Variants in CACNB4 observed in about 807,000 individuals in gnomAD.
The protein encoded by CACNB4 is calcium voltage-gated channel auxiliary subunit beta 4.
Under a neutral mutation model 71.2 loss-of-function variants are expected in CACNB4, and 32 were observed. The ratio of observed to expected loss-of-function variants is 0.45; its 90% CI spans 0.34 to 0.60. The LOEUF is 0.60. Ranked by LOEUF, CACNB4 falls within the 20% of genes least tolerant of loss-of-function variation. CACNB4 has a pLI of 0.01. For synonymous variants in CACNB4, 231 were observed against 236.9 expected, an observed-to-expected ratio of 0.97 and a Z score of 0.23; for missense variants, 464 against 647.9, an observed-to-expected ratio of 0.72 and a Z score of 3.08.
Position 151,916,346 on chromosome 2 carries a change from G to C in CACNB4, c.148-32976C>G, listed in dbSNP as rs142441275. 5.9e-4 allele frequency among the ~76,000 whole-genome samples: 89 copies of C among 151,970 alleles called. No homozygotes were observed. In the East Asian group the frequency reaches 0.017, roughly 29 times the overall value. The stretch of plus-strand genomic sequence containing the variant: ...ATAAAACCCCTCTCTTTGTTATAGA[G>C]AAAACAAATAAATACATGAGATATC... On this transcript the variant is annotated intron_variant, in intron 2 of 13. Transcript: ENST00000539935.
chr2:152,098,778 G>A lies in CACNB4; in HGVS notation c.63+171C>T, dbSNP rs945094884. On this transcript the variant is annotated intron_variant, in intron 1 of 13. Coordinates refer to ENST00000539935, the MANE Select transcript of CACNB4 (RefSeq NM_000726.5). This position sits in a 1 kb window ranked among gnomAD's most constrained non-coding sequence, Gnocchi z 5.3. ...AGGAGGAAGAGAAGGAGGAGAAAGAGGAGGAGCGGGAGGAGAAAGGGACGT... is the reference window on the plus strand; with the variant it reads ...AGGAGGAAGAGAAGGAGGAGAAAGAAGAGGAGCGGGAGGAGAAAGGGACGT... The A allele has an allele frequency of 2.8e-5, 35 of 1,244,092 alleles. No individual in the cohort carries two copies. The highest frequency in any genetic ancestry group is 3.8e-5 in the Non-Finnish European group (34 of 894,032). 77.1% of individuals were successfully genotyped at this position (1,244,092 alleles called of 1,614,324 possible).
chr2:152,094,642 G>T (rs755179735), intron 2 of CACNB4, among the ~76,000 whole-genome samples: 23 of 152,162 alleles, frequency 1.5e-4, no homozygotes, highest in Non-Finnish European at 2.8e-4. Flanking sequence ...CTTGTTACAT[G>T]TCACCGTACT....
chr2:151,972,846 C>T (rs2099872964), intron 2 of CACNB4: 1 of 152,304 alleles, frequency 6.6e-6, no homozygotes, highest in Admixed American at 6.5e-5. Flanking sequence ...TCCCATTAAC[C>T]ACCCCCAGCC....
intron 2 of CACNB4, among the ~76,000 whole-genome samples, chr2:152,079,993 C>CA (rs1249437993): frequency 6.6e-6 from 1 of 152,082 alleles, no homozygotes; most frequent in Non-Finnish European, 1.5e-5. Flanking sequence ...AACCATACAG[C>CA]AATAGCTCCT....
Position 151,841,934 on chromosome 2 carries a change from G to A in CACNB4, c.1271C>T (p.Ser424Leu), listed in dbSNP as rs2151319737. 2.5e-6 allele frequency: 4 copies of A among 1,613,888 alleles called. No homozygotes were observed. The highest frequency in any genetic ancestry group is 3.4e-6 in the Non-Finnish European group (4 of 1,179,880). ...CCCAGAAATTGCTGTGGGATATGGT[G>A]AGAGTGCCGTGGAGCCCAAATTCCT... ...LGRNLGSTAL[S>L]PYPTAISGLQ... Residue 424 changes from serine (S) to leucine (L), a missense_variant, in exon 13 of 14, where the codon TCA (serine) becomes TTA (leucine). Ser to Leu is a moderately radical substitution (Grantham distance 145). Around this residue, in one of 3 missense-constraint regions of CACNB4, gnomAD observed 115 missense variants for 128.8 expected, o/e 0.89. Coordinates refer to ENST00000539935, the MANE Select transcript of CACNB4 (RefSeq NM_000726.5).
intron 2 of CACNB4, among the ~76,000 whole-genome samples, chr2:151,938,830 G>T (rs562759845): frequency 6.6e-6 from 1 of 152,302 alleles, no homozygotes; most frequent in African/African-American, 2.4e-5. Flanking sequence ...TCAGATGTCT[G>T]ATTTTGTTGT....
chr2:151,837,484 A>C lies in CACNB4; in HGVS notation c.*1635T>G, dbSNP rs886054962. 1 of 152,064 alleles carries C rather than the reference A, an allele frequency of 6.6e-6. No homozygotes were observed. 9.4% of individuals were successfully genotyped at this position (152,064 alleles called of 1,614,324 possible). ...GAATACTGAAAGGCTTGGGGAGAAA[A>C]GAAGATACTATAAAATTAATTATCA... On this transcript the variant is annotated 3_prime_UTR_variant, in exon 14 of 14. Coordinates refer to ENST00000539935, the MANE Select transcript of CACNB4 (RefSeq NM_000726.5).
rs774919664 is a variant in CACNB4 at position 151,883,323 on chromosome 2, A to G, written c.195T>C (p.Ser65=). The change falls in exon 3 of 14, where the codon TCT becomes TCC. Residue 65 remains serine (S), a synonymous_variant. Transcript: ENST00000539935. The part of the protein sequence containing the change: ...YTSRPSDSDV[S]LEEDREAIRQ... The stretch of plus-strand genomic sequence containing the variant: ...GAATTGCTTCCCGGTCCTCTTCCAA[A>G]GAGACATCGGAGTCAGACGGCCTGC... 2.8e-5 allele frequency: 45 copies of G among 1,613,792 alleles called. 1 individual carries two copies. The highest frequency in any genetic ancestry group is 3.6e-5 in the Non-Finnish European group (42 of 1,179,804).
At chr2:151,893,665 A>G (rs2099851325) in intron 2 of CACNB4, among the ~76,000 whole-genome samples, 1 of 152,148 alleles carries the variant, frequency 6.6e-6, no homozygotes, top group African/African-American at 2.4e-5. Flanking sequence ...ACTAACAGAA[A>G]CTATGCTAAA....
chr2:152,002,336 T>C (rs1227220660), intron 2 of CACNB4, among the ~76,000 whole-genome samples: 2 of 152,214 alleles, frequency 1.3e-5, no homozygotes, highest in Admixed American at 6.5e-5. Context: ...AATATGATTT[T>C]TTTAGGAAGA....
chr2:151,960,069 G>C (rs1436585886), intron 2 of CACNB4, among the ~76,000 whole-genome samples: 1 of 152,208 alleles, frequency 6.6e-6, no homozygotes, highest in South Asian at 2.1e-4. Context: ...ATTTTAAGTA[G>C]ATTATTTTAA....
At chr2:152,065,896 C>A (rs1409804831) in intron 2 of CACNB4, among the ~76,000 whole-genome samples, 1 of 152,132 alleles carries the variant, frequency 6.6e-6, no homozygotes, top group African/African-American at 2.4e-5. Context: ...TGTTTGCTAC[C>A]ACATCTGGCC....
rs35400714 is a variant in CACNB4 at position 152,076,136 on chromosome 2, C to CTTT, written c.147+22191_147+22193dup. ...AGGACATGTGATTACCACCTCTTTTCTTTTTTTTTTTTTTTTTTTTTTTTG... is the reference window on the plus strand; with the variant it reads ...AGGACATGTGATTACCACCTCTTTTCTTTTTTTTTTTTTTTTTTTTTTTTTTTG... On this transcript the variant is annotated intron_variant, in intron 2 of 13. Transcript: ENST00000539935. Among the ~76,000 whole-genome samples, 422 of 71,200 alleles carry CTTT rather than the reference C, an allele frequency of 5.9e-3. 6 individuals carry two copies. Among genetic ancestry groups the CTTT allele is most frequent in the Non-Finnish European group, 8.2e-3 (323 of 39,464 alleles). 46.7% of individuals were successfully genotyped at this position (71,200 alleles called of 152,430 possible). A position where few individuals can be genotyped will look rare whatever the true frequency, so the allele number is the denominator to read the frequency against.
chr2:152,033,633 T>A (rs1258413086), intron 2 of CACNB4, among the ~76,000 whole-genome samples: 2 of 152,128 alleles, frequency 1.3e-5, no homozygotes, highest in Admixed American at 1.3e-4. Context: ...GCACAGACGG[T>A]ATAGTCTCAA....
intron 2 of CACNB4, chr2:151,971,499 C>T: frequency 1.4e-6 from 1 of 702,836 alleles, no homozygotes; most frequent in East Asian, 2.7e-5. Flanking sequence ...TCCACCAGAC[C>T]TGTTCCGAGA....
chr2:151,935,650 A>G (rs1578867475), intron 2 of CACNB4, among the ~76,000 whole-genome samples: 1 of 152,230 alleles, frequency 6.6e-6, no homozygotes, highest in Non-Finnish European at 1.5e-5. Context: ...CTTTACTTGA[A>G]TGCAGATGCT....
rs768328542 is a variant in CACNB4 at position 151,860,725 on chromosome 2, G to T, written c.854C>A (p.Thr285Asn). The change falls in exon 10 of 14, where the codon ACC becomes AAC. Residue 285 changes from threonine to asparagine, a missense_variant. This residue lies in a region of CACNB4 where 299 missense variants were observed against 471.7 expected (regional missense o/e 0.63). Coordinates refer to ENST00000539935, the MANE Select transcript of CACNB4 (RefSeq NM_000726.5). ...SKRAIIERSNTRSSLAEVQSE... is the reference protein window; with the variant it reads ...SKRAIIERSNNRSSLAEVQSE... ...GAACATCTTACCTAAGCTGGACCGG[G>T]TGTTCGAACGTTCAATTATTGCTCT... 2 of 1,610,908 alleles carry T rather than the reference G, an allele frequency of 1.2e-6. No homozygotes were observed. The highest frequency in any genetic ancestry group is 1.7e-6 in the Non-Finnish European group (2 of 1,177,098).
At position 151,853,511 on chromosome 2, in the gene CACNB4, C is replaced by T. The variant is rs1286276766; in HGVS notation, c.1053G>A (p.Lys351=). The part of the protein sequence containing the change: ...VLQRLIKSRG[K]SQSKHLNVQL... Reference sequence around the variant, plus strand: ...GAACATTCAAGTGTTTACTTTGTGACTTTCCTCTAGATTTAATCAACCGCT... The same window carrying T: ...GAACATTCAAGTGTTTACTTTGTGATTTTCCTCTAGATTTAATCAACCGCT... The change falls in exon 12 of 14, where the codon AAG becomes AAA. Residue 351 remains lysine (K), a synonymous_variant. Transcript: ENST00000539935. 1 of 1,599,920 alleles carries T rather than the reference C, an allele frequency of 6.3e-7. No individual in the cohort carries two copies. The highest frequency in any genetic ancestry group is 8.5e-7 in the Non-Finnish European group (1 of 1,173,710).
chr2:152,057,688 C>T (rs1685794553), intron 2 of CACNB4, among the ~76,000 whole-genome samples: 1 of 152,168 alleles, frequency 6.6e-6, no homozygotes, highest in South Asian at 2.1e-4. Context: ...CACACATGCA[C>T]ACACAGAGGC....
Sources: gnomAD v4.1 joint callset for allele counts (sites outside exome capture counted in the v4.1 genomes callset) on GRCh38, gnomAD v4.1.1 for gene constraint, gnomAD v4.1.1 regional missense constraint, Gnocchi (gnomAD v3.1) non-coding constraint, MANE v1.5 for transcripts, NCBI Gene and HGNC (gene_info 2026-07-23, HGNC 2026-07-21) for gene names.